USP28: variants seen among roughly 807,000 people sequenced by gnomAD.
The protein encoded by USP28 is ubiquitin carboxyl-terminal hydrolase 28.
USP28 carries 113 observed loss-of-function variants against 145.0 expected under a neutral mutation model. The ratio of observed to expected loss-of-function variants is 0.78; its 90% confidence interval spans 0.67 to 0.91. USP28 has a LOEUF of 0.91. Among genes scored for constraint, USP28 ranks in the 40% least tolerant of loss-of-function variants. USP28 has a pLI of 0.00. For synonymous variants in USP28, 447 were observed against 450.9 expected (o/e 0.99, Z 0.11); for missense variants, 1,201 against 1,289.6 (o/e 0.93, Z 1.05).
At position 113,834,391 on chromosome 11, in the gene USP28, A is replaced by T. The variant is rs554370026; in HGVS notation, c.535-56T>A. ...CTTTCCTGAAAATAACTGCAGCAACATATGTATTTTTCACTTCAAATATTT... is the reference window on the plus strand; with the variant it reads ...CTTTCCTGAAAATAACTGCAGCAACTTATGTATTTTTCACTTCAAATATTT... On this transcript the variant is annotated intron_variant, in intron 5 of 24. Transcript: ENST00000003302. 85 of 1,234,206 alleles carry T rather than the reference A, an allele frequency of 6.9e-5. No individual in the cohort carries two copies. In the African/African-American group the frequency reaches 1.2e-3, roughly 17 times the overall value. The allele number at this position is 1,234,206 out of a possible 1,614,324, so 76.5% of individuals were successfully genotyped here. A position where few individuals can be genotyped will look rare whatever the true frequency, so the allele number is the denominator to read the frequency against.
intron 12 of USP28, among the ~76,000 whole-genome samples, chr11:113,819,135 CAG>C (rs1352524972): frequency 6.9e-6 from 1 of 145,664 alleles, no homozygotes; most frequent in East Asian, 2.0e-4. Flanking sequence ...TTTTTTGAGA[CAG>C]AGTCTCATTT....
At chr11:113,873,197 C>A (rs1949005698) in intron 1 of USP28, among the ~76,000 whole-genome samples, 1 of 152,228 alleles carries the variant, frequency 6.6e-6, no homozygotes, top group Admixed American at 6.5e-5. Context: ...TTATTAAAAT[C>A]TTTCCTGTAA....
chr11:113,816,169 T>C (rs1233412896), intron 13 of USP28, among the ~76,000 whole-genome samples: 4 of 152,222 alleles, frequency 2.6e-5, no homozygotes, highest in Non-Finnish European at 5.9e-5. Context: ...GTTAGGTTTC[T>C]CTTTTACACC....
intron 16 of USP28, among the ~76,000 whole-genome samples, chr11:113,809,742 T>C (rs554097189): frequency 2.0e-5 from 3 of 152,240 alleles, no homozygotes; most frequent in South Asian, 4.1e-4. Context: ...GTTAAAGATA[T>C]GGAAAGTGGG....
intron 3 of USP28, among the ~76,000 whole-genome samples, chr11:113,842,677 T>G (rs949215077): frequency 2.0e-5 from 3 of 151,734 alleles, no homozygotes; most frequent in Non-Finnish European, 2.9e-5. Context: ...TCTTAACAGT[T>G]AAAAGAAAAA....
At chr11:113,871,629 G>C (rs1445765396) in intron 1 of USP28, among the ~76,000 whole-genome samples, 5 of 152,112 alleles carry the variant, frequency 3.3e-5, no homozygotes, top group African/African-American at 1.2e-4. Flanking sequence ...TCTAAGAAAT[G>C]AAAGGGGGAA....
chr11:113,858,877 G>C (rs887139195), intron 1 of USP28, among the ~76,000 whole-genome samples: 32 of 152,164 alleles, frequency 2.1e-4, no homozygotes, highest in Non-Finnish European at 1.5e-4. Flanking sequence ...CCAAAGTGTT[G>C]GGATTACAGG....
At chr11:113,826,668 C>G (rs1182818463) in intron 11 of USP28, among the ~76,000 whole-genome samples, 1 of 151,742 alleles carries the variant, frequency 6.6e-6, no homozygotes, top group Non-Finnish European at 1.5e-5. Flanking sequence ...ACCTGTAATA[C>G]CAGCACTTTG....
chr11:113,799,238 G>A, exon 25 of USP28: 2 of 1,611,904 alleles, frequency 1.2e-6, no homozygotes, highest in Non-Finnish European at 1.7e-6. Flanking sequence ...ACATGTGGGA[G>A]CTTATTTCAC....
intron 1 of USP28, chr11:113,874,546 G>C: frequency 7.8e-7 from 1 of 1,288,212 alleles, no homozygotes; most frequent in Non-Finnish European, 1.0e-6. Flanking sequence ...AGCTTTGTAC[G>C]ACAAATATAG....
intron 9 of USP28, among the ~76,000 whole-genome samples, chr11:113,830,251 T>G (rs1943837032): frequency 6.6e-6 from 1 of 152,206 alleles, no homozygotes; most frequent in Admixed American, 6.5e-5. Context: ...CAACACTGAC[T>G]AGATATTTGA....
intron 5 of USP28, among the ~76,000 whole-genome samples, chr11:113,838,211 TG>T (rs549471438): frequency 1.5e-3 from 230 of 152,118 alleles, no homozygotes; most frequent in Non-Finnish European, 2.9e-3. Flanking sequence ...AGGCTAATGG[TG>T]GGGGGGCGGT....
chr11:113,870,315 C>T (rs557189531), intron 1 of USP28, among the ~76,000 whole-genome samples: 29 of 152,234 alleles, frequency 1.9e-4, no homozygotes, highest in Non-Finnish European at 3.4e-4. Flanking sequence ...CTGCTTGAGC[C>T]CAGGAGTTCA....
At chr11:113,841,752 A>T in exon 4 of USP28, 1 of 1,612,946 alleles carries the variant, frequency 6.2e-7, no homozygotes, top group African/African-American at 1.3e-5. Flanking sequence ...TGTTATCATG[A>T]GTAAGGTCTA....
At chr11:113,870,377 A>C (rs1948696247) in intron 1 of USP28, among the ~76,000 whole-genome samples, 1 of 152,030 alleles carries the variant, frequency 6.6e-6, no homozygotes, top group African/African-American at 2.4e-5. Context: ...AAATTAAAAA[A>C]ACAGCCAAGT....
intron 5 of USP28, among the ~76,000 whole-genome samples, chr11:113,837,104 C>T (rs1944646744): frequency 6.6e-6 from 1 of 152,204 alleles, no homozygotes; most frequent in African/African-American, 2.4e-5. Context: ...ATCTCCCTAA[C>T]CTTGCTCTTT....
intron 18 of USP28, among the ~76,000 whole-genome samples, chr11:113,807,744 G>C (rs1021985246): frequency 6.6e-6 from 1 of 152,124 alleles, no homozygotes; most frequent in Non-Finnish European, 1.5e-5. Flanking sequence ...AGCCTGGGTA[G>C]ATATACATAT....
chr11:113,874,448 A>AT, intron 1 of USP28: 1 of 1,043,912 alleles, frequency 9.6e-7, no homozygotes, highest in Non-Finnish European at 1.2e-6. Flanking sequence ...AAAAAAAAAA[A>AT]AGTGTCTCCA....
intron 14 of USP28, among the ~76,000 whole-genome samples, chr11:113,814,666 G>A (rs778463966): frequency 4.0e-5 from 6 of 151,044 alleles, no homozygotes; most frequent in Admixed American, 6.6e-5. Flanking sequence ...TTGAGGGGGA[G>A]ATCTTTCCAT....
Sources: allele counts gnomAD v4.1 joint callset (sites outside exome capture counted in the v4.1 genomes callset), GRCh38; gene constraint gnomAD v4.1.1; transcripts MANE v1.5; gene names NCBI Gene and HGNC (gene_info 2026-07-23, HGNC 2026-07-21).